Variants in CHODL observed in about 807,000 individuals in gnomAD.
CHODL encodes the protein transmembrane protein MT75.
A neutral mutation model predicts 34.5 loss-of-function variants in CHODL; 29 were observed. That is an observed-to-expected ratio of 0.84 (90% CI 0.63 to 1.15). The LOEUF is 1.15. Ranked by LOEUF, CHODL falls within the 50% of genes most tolerant of loss-of-function variation. The probability of loss-of-function intolerance (pLI) is 0.00; values close to 1 mark genes in which losing one functional copy is unlikely to be tolerated. For missense variants in CHODL, 332 were observed against 332.5 expected (o/e 1.00, Z 0.01); for synonymous variants, 125 against 116.1 (o/e 1.08, Z -0.49).
At chr21:17,925,776 T>C (rs958541506) in intron 1 of CHODL, among the ~76,000 whole-genome samples, 2 of 152,218 alleles carry the variant, frequency 1.3e-5, no homozygotes, top group Non-Finnish European at 2.9e-5. Flanking sequence ...CCACACACTT[T>C]CTGAGTTCCT....
chr21:18,133,084 A>T (rs1601047359), intron 2 of CHODL, among the ~76,000 whole-genome samples: 1 of 131,294 alleles, frequency 7.6e-6, no homozygotes, highest in Non-Finnish European at 1.7e-5. Flanking sequence ...CCATAATAAT[A>T]AAAAAAAAGA....
Position 17,998,115 on chromosome 21 carries a change from G to A in CHODL, c.-144-29757G>A, listed in dbSNP as rs370281078. On this transcript the variant is annotated intron_variant, in intron 1 of 6. Coordinates refer to the CHODL transcript ENST00000400127. ...GGAGTACAGGTATTGGGTAAATAGA[G>A]CTGTTCCAAATGGGAGAAATTGGCC... is the stretch of plus-strand genomic sequence containing the variant. Among the ~76,000 whole-genome samples the A allele has an allele frequency of 3.9e-5, 6 of 152,332 alleles. 1 individual carries two copies. The highest frequency in any genetic ancestry group is 1.3e-4 in the Admixed American group (2 of 15,300).
In CHODL at chr21:18,216,972, C is replaced by T. The variant is rs2073836065; in HGVS notation, c.-44-39537C>T. Among the ~76,000 whole-genome samples, 19 of 152,196 alleles carry T rather than the reference C, an allele frequency of 1.2e-4. No individual in the cohort carries two copies. The South Asian group carries it at 3.7e-3, about 30-fold the overall frequency. ...TTTGGGTGGGGACACAGATCCAAAC[C>T]ATATCAGCAGGATTTCATCCTTTTT... On this transcript the variant is annotated intron_variant, in intron 2 of 6. Coordinates refer to the CHODL transcript ENST00000400127.
At chr21:18,073,407 T>C (rs2146502752) in intron 2 of CHODL, among the ~76,000 whole-genome samples, 1 of 152,270 alleles carries the variant, frequency 6.6e-6, no homozygotes, top group East Asian at 1.9e-4. Flanking sequence ...TTGCAGTCTT[T>C]CTGAGTGATT....
intron 2 of CHODL, among the ~76,000 whole-genome samples, chr21:18,072,542 C>T (rs1164442778): frequency 6.6e-6 from 1 of 151,766 alleles, no homozygotes; most frequent in Non-Finnish European, 1.5e-5. Context: ...ATAGGAATTT[C>T]AATAAAGAGA....
At chr21:18,222,539 T>C (rs530521527) in intron 2 of CHODL, among the ~76,000 whole-genome samples, 1 of 152,180 alleles carries the variant, frequency 6.6e-6, no homozygotes, top group Admixed American at 6.5e-5. Context: ...GAGGGGCTTT[T>C]TTTGTGGCTT....
intron 1 of CHODL, among the ~76,000 whole-genome samples, chr21:17,987,578 C>T (rs1334281396): frequency 6.6e-6 from 1 of 152,038 alleles, no homozygotes; most frequent in Non-Finnish European, 1.5e-5. Context: ...GTCCTCATCT[C>T]CTAGGTAACC....
intron 2 of CHODL, among the ~76,000 whole-genome samples, chr21:18,137,735 T>C (rs1038300642): frequency 1.3e-5 from 2 of 152,224 alleles, no homozygotes; most frequent in African/African-American, 4.8e-5. Flanking sequence ...CGATGGTATA[T>C]AGATGCATGC....
At position 18,138,925 on chromosome 21, in the gene CHODL, A is replaced by G. The variant is rs76351967; in HGVS notation, c.-45+110954A>G. On this transcript the variant is annotated intron_variant, in intron 2 of 6. Coordinates refer to the CHODL transcript ENST00000400127. ...TTCTTGGAGCAGGGCACTCAGTTGT[A>G]GATACAGGCATGGATGAACTCAAGT... Among the ~76,000 whole-genome samples the G allele has an allele frequency of 9.4e-3, 1,435 of 152,272 alleles. 17 individuals are homozygous for G. The highest frequency in any genetic ancestry group is 0.017 in the Non-Finnish European group (1,132 of 68,018).
In CHODL at chr21:18,260,267, T is replaced by A. The variant is rs552167262; in HGVS notation, c.615T>A (p.Asn205Lys). The change falls in exon 4 of 6, where the codon AAT becomes AAA. Residue 205 changes from asparagine to lysine, a missense_variant. Coordinates refer to ENST00000299295, the MANE Select transcript of CHODL (RefSeq NM_024944.3). Reference sequence around the variant, plus strand: ...ATCAACCAGGAGACACCCATCAGAATGTGGTTGTTACTGAAGCAGGTAATT... The same window carrying A: ...ATCAACCAGGAGACACCCATCAGAAAGTGGTTGTTACTGAAGCAGGTAATT... ...LTNQPGDTHQ[N>K]VVVTEAGIIP... 1.6e-5 allele frequency: 26 copies of A among 1,589,894 alleles called. No individual in the cohort carries two copies. The South Asian group carries it at 2.9e-4, about 18-fold the overall frequency.
chr21:18,201,222 G>A (rs1187459229), intron 2 of CHODL, among the ~76,000 whole-genome samples: 1 of 152,014 alleles, frequency 6.6e-6, no homozygotes, highest in Admixed American at 6.5e-5. Flanking sequence ...CTTATTTTTT[G>A]TTATTGGCAA....
chr21:18,026,441 A>ATTT (rs761138823), intron 1 of CHODL, among the ~76,000 whole-genome samples: 152,085 of 152,092 alleles, frequency 1, 76,039 homozygotes, highest in Middle Eastern at 1. Context: ...TAGGGGTTCG[A>ATTT]CAAGCTTGGA....
chr21:18,089,495 A>G (rs999303735), intron 2 of CHODL, among the ~76,000 whole-genome samples: 6 of 152,330 alleles, frequency 3.9e-5, no homozygotes, highest in Non-Finnish European at 8.8e-5. Flanking sequence ...TCATTAATTT[A>G]TAACAAAATC....
intron 2 of CHODL, among the ~76,000 whole-genome samples, chr21:18,185,926 T>A (rs191749912): frequency 6.6e-6 from 1 of 152,238 alleles, no homozygotes; most frequent in East Asian, 1.9e-4. Flanking sequence ...GACTTAATCA[T>A]CTCCCAAAGG....
chr21:18,222,563 C>T (rs2073894704), intron 2 of CHODL, among the ~76,000 whole-genome samples: 1 of 152,010 alleles, frequency 6.6e-6, no homozygotes, highest in Admixed American at 6.6e-5. Flanking sequence ...CTGCAGCTGT[C>T]TGTGGTGGGA....
At position 18,171,996 on chromosome 21, in the gene CHODL, G is replaced by A. The variant is rs547205844; in HGVS notation, c.-44-84513G>A. On this transcript the variant is annotated intron_variant, in intron 2 of 6. Transcript: ENST00000400127. ...TTAATCTTCACTTTCTACCTGTACA[G>A]ATCCTCAAGATTAGCCACATGTGAG... is the stretch of plus-strand genomic sequence containing the variant. 1.1e-4 allele frequency among the ~76,000 whole-genome samples: 16 copies of A among 152,278 alleles called. 1 individual carries two copies. In the South Asian group the frequency reaches 2.9e-3, roughly 28 times the overall value.
At chr21:17,950,628 C>T (rs907652756) in intron 1 of CHODL, among the ~76,000 whole-genome samples, 2 of 151,916 alleles carry the variant, frequency 1.3e-5, no homozygotes, top group African/African-American at 4.8e-5. Flanking sequence ...TCAGGTAGAA[C>T]TAGAGGATAC....
intron 2 of CHODL, among the ~76,000 whole-genome samples, chr21:18,132,605 A>G (rs2072670513): frequency 6.6e-6 from 1 of 152,162 alleles, no homozygotes; most frequent in African/African-American, 2.4e-5. Flanking sequence ...AGATCATTTT[A>G]TCTAGGCCAG....
chr21:18,008,145 C>CTT (rs200595635), intron 1 of CHODL, among the ~76,000 whole-genome samples: 1 of 150,694 alleles, frequency 6.6e-6, no homozygotes, highest in Non-Finnish European at 1.5e-5. Flanking sequence ...TATTTTTCTT[C>CTT]TTTTTTTTAA....
Sources: allele counts gnomAD v4.1 joint callset (sites outside exome capture counted in the v4.1 genomes callset), GRCh38; gene constraint gnomAD v4.1.1; transcripts MANE v1.5; gene names NCBI Gene and HGNC (gene_info 2026-07-23, HGNC 2026-07-21).